ZNF561: variants seen among roughly 807,000 people sequenced by gnomAD.
ZNF561 encodes the protein zinc finger protein 561.
ZNF561 carries 16 observed loss-of-function variants against 16.7 expected under a neutral mutation model. The ratio of observed to expected loss-of-function variants is 0.96; its 90% confidence interval spans 0.65 to 1.45. The LOEUF is 1.45. ZNF561 is among the 40% of genes most tolerant of loss of function. The pLI is 0.00. For synonymous variants in ZNF561, 190 were observed against 192.1 expected, an observed-to-expected ratio of 0.99 and a Z score of 0.09; for missense variants, 580 against 578.0, an observed-to-expected ratio of 1.00 and a Z score of -0.04.
In ZNF561 at chr19:9,610,111, A is replaced by G. The variant is rs1264175068; in HGVS notation, c.*89T>C. On this transcript the variant is annotated 3_prime_UTR_variant, in exon 6 of 6. Transcript: ENST00000302851. ...TCAGGATGGTATCTAAGGCCAATCCATGAGTCATTACAACCTCCAAAAGGC... is the reference window on the plus strand; with the variant it reads ...TCAGGATGGTATCTAAGGCCAATCCGTGAGTCATTACAACCTCCAAAAGGC... The G allele has an allele frequency of 3.3e-6, 4 of 1,197,264 alleles. No homozygotes were observed. In the Admixed American group the frequency reaches 8.0e-5, roughly 24 times the overall value. The allele number at this position is 1,197,264 out of a possible 1,614,324, so 74.2% of individuals were successfully genotyped here.
intron 5 of ZNF561, among the ~76,000 whole-genome samples, chr19:9,612,483 G>A (rs1042785245): frequency 2.0e-5 from 3 of 152,130 alleles, no homozygotes; most frequent in East Asian, 1.9e-4. Context: ...CTCCCAAATT[G>A]CTGGGATTAC....
intron 2 of ZNF561, 170 bp downstream of exon 2, chr19:9,619,258 AAAAT>A (rs551187542): frequency 1.2e-3 from 445 of 384,652 alleles, no homozygotes; most frequent in Middle Eastern, 1.6e-3. Flanking sequence ...TTCTGTCTCA[AAAAT>A]AAATAAATAA....
rs144117005 is a variant in ZNF561, at chr19:9,614,077, G to A, written c.268C>T (p.Arg90Trp). The change falls in exon 5 of 6, where the codon CGG becomes TGG. Residue 90 changes from arginine to tryptophan, a missense_variant. By Grantham distance (101) the Arg-to-Trp change is moderately radical. Coordinates refer to ENST00000302851, the MANE Select transcript of ZNF561 (RefSeq NM_152289.3). ...AAAAAACCCTGCTGAAGTGATGACC[G>A]TTTGGTTCTAGGTTGTATTTCCCAT... ...VEWEIQPRTK[R>W]SSLQQGFLKN... 1.4e-4 allele frequency: 234 copies of A among 1,614,022 alleles called. 2 individuals carry two copies. The highest frequency in any genetic ancestry group is 1.3e-3 in the African/African-American group (97 of 75,006).
intron 2 of ZNF561, chr19:9,619,219 T>C (rs943509923): frequency 3.6e-6 from 1 of 278,294 alleles, no homozygotes; most frequent in East Asian, 6.3e-5. Context: ...ATTGCACCAC[T>C]GCACTCCAGC....
intron 4 of ZNF561, among the ~76,000 whole-genome samples, chr19:9,614,892 G>T (rs28640146): frequency 6.7e-6 from 1 of 150,028 alleles, no homozygotes; most frequent in Non-Finnish European, 1.5e-5. Context: ...ACACTGGAGC[G>T]CAGTGGCACA....
At chr19:9,613,798 T>C (rs769607378) in intron 5 of ZNF561, among the ~76,000 whole-genome samples, 1 of 152,176 alleles carries the variant, frequency 6.6e-6, no homozygotes, top group Non-Finnish European at 1.5e-5. Flanking sequence ...ATTACAGGTG[T>C]GAGTCACCAC....
chr19:9,610,971 A>C lies in ZNF561; in HGVS notation c.690T>G (p.Tyr230Ter). 1 of 1,614,184 alleles carries C rather than the reference A, an allele frequency of 6.2e-7. No homozygotes were observed. Among genetic ancestry groups the C allele is most frequent in the South Asian group, 1.1e-5 (1 of 91,080 alleles). ...GTGAAGAAGCTGTGACAGCTCTCCCATATTCCTGAAATTCACAGAGTTTCT... is the reference window on the plus strand; with the variant it reads ...GTGAAGAAGCTGTGACAGCTCTCCCCTATTCCTGAAATTCACAGAGTTTCT... ...TDEKLCEFQE[Y>*]GRAVTASSHL... The change falls in exon 6 of 6, where the codon TAT becomes TAG. Residue 230 changes from tyrosine (Y) to a stop codon, truncating the protein, a stop_gained. Transcript: ENST00000302851. LOFTEE classifies it low-confidence loss of function (END_TRUNC).
chr19:9,610,083 C>A lies in ZNF561; in HGVS notation c.*117G>T. 1.1e-6 allele frequency: 1 copy of A among 899,802 alleles called. No homozygotes were observed. The highest frequency in any genetic ancestry group is 1.6e-6 in the Non-Finnish European group (1 of 611,866). 55.7% of individuals were successfully genotyped at this position (899,802 alleles called of 1,614,324 possible). On this transcript the variant is annotated 3_prime_UTR_variant, in exon 6 of 6. Transcript: ENST00000302851. ...CAGAACCTGTAGGTTTAATTTCAGA[C>A]CCTCAGGATGGTATCTAAGGCCAAT...
intron 1 of ZNF561, among the ~76,000 whole-genome samples, chr19:9,619,846 T>A (rs1490261628): frequency 1.3e-5 from 2 of 148,282 alleles, no homozygotes; most frequent in South Asian, 2.1e-4. Context: ...CCTCTATCTA[T>A]CTATATCTAT....
At chr19:9,617,749 C>A in intron 3 of ZNF561, 1 of 459,650 alleles carries the variant, frequency 2.2e-6, no homozygotes, top group African/African-American at 2.0e-5. Context: ...CCTCAGCACA[C>A]TGCAGATACC....
At chr19:9,617,718 T>C (rs1462285894) in intron 3 of ZNF561, 2 of 457,530 alleles carry the variant, frequency 4.4e-6, no homozygotes, top group East Asian at 6.9e-5. Flanking sequence ...TCCTGTCCCA[T>C]TGGTGTCTAT....
In ZNF561 at chr19:9,609,667, C is replaced by A. The variant is rs1248049614; in HGVS notation, c.*533G>T. The A allele has an allele frequency of 6.5e-6, 1 of 153,942 alleles. No homozygotes were observed. Among genetic ancestry groups the A allele is most frequent in the Non-Finnish European group, 1.4e-5 (1 of 69,246 alleles). 9.5% of individuals were successfully genotyped at this position (153,942 alleles called of 1,614,324 possible). A position where few individuals can be genotyped will look rare whatever the true frequency, so the allele number is the denominator to read the frequency against. On this transcript the variant is annotated 3_prime_UTR_variant, in exon 6 of 6. Coordinates refer to ENST00000302851, the MANE Select transcript of ZNF561 (RefSeq NM_152289.3). ...AAATAGACATACAAGGCAGAACAGG[C>A]AAGGCTGTCACACTTCTTAGATTTT...
rs535430790 is a variant in ZNF561, at chr19:9,607,558, A to C, written c.*2642T>G. 1.3e-5 allele frequency: 2 copies of C among 152,344 alleles called. No individual in the cohort carries two copies. The highest frequency in any genetic ancestry group is 3.9e-4 in the East Asian group (2 of 5,190). The allele number at this position is 152,344 out of a possible 1,614,324, so 9.4% of individuals were successfully genotyped here. ...AAGAGATTAGCCTCTTCAAAAAATA[A>C]AATAAAAACCTACAGCCAAGCCAAT... On this transcript the variant is annotated 3_prime_UTR_variant, in exon 6 of 6. Transcript: ENST00000302851.
In ZNF561 at chr19:9,610,601, T is replaced by C. The variant is rs1424737062; in HGVS notation, c.1060A>G (p.Ile354Val). The C allele has an allele frequency of 2.5e-6, 4 of 1,613,640 alleles. No homozygotes were observed. Among genetic ancestry groups the C allele is most frequent in the Non-Finnish European group, 2.5e-6 (3 of 1,179,750 alleles). Residue 354 changes from isoleucine (I) to valine (V), a missense_variant, in exon 6 of 6, where the codon ATA (isoleucine) becomes GTA (valine). Physicochemically the swap from Ile to Val is conservative, Grantham distance 29. Coordinates refer to ENST00000302851, the MANE Select transcript of ZNF561 (RefSeq NM_152289.3). ...TTTCCACTGTGACTTCGTATGTGTA[T>C]AGAAAGGCCCGAGTACTGAGCAAAG... ...QAFAQYSGLS[I>V]HIRSHSGKKP...
In ZNF561 at chr19:9,608,794, A is replaced by G. The variant is rs533137410; in HGVS notation, c.*1406T>C. On this transcript the variant is annotated 3_prime_UTR_variant, in exon 6 of 6. Coordinates refer to ENST00000302851, the MANE Select transcript of ZNF561 (RefSeq NM_152289.3). The stretch of plus-strand genomic sequence containing the variant: ...GCGGAAGGTAGAGCTTGAGAGAGAT[A>G]AAACTGGTTATGTATCACTAAGATC... 6.6e-6 allele frequency: 1 copy of G among 152,334 alleles called. No individual in the cohort carries two copies. Among genetic ancestry groups the G allele is most frequent in the East Asian group, 1.9e-4 (1 of 5,186 alleles). 9.4% of individuals were successfully genotyped at this position (152,334 alleles called of 1,614,324 possible). A position where few individuals can be genotyped will look rare whatever the true frequency, so the allele number is the denominator to read the frequency against.
intron 5 of ZNF561, among the ~76,000 whole-genome samples, chr19:9,613,422 T>A (rs1294005150): frequency 6.6e-6 from 1 of 151,820 alleles, no homozygotes; most frequent in African/African-American, 2.4e-5. Flanking sequence ...TTAGTAGAGA[T>A]AAGAGTTTCA....
intron 3 of ZNF561, 185 bp downstream of exon 3, chr19:9,617,906 T>C (rs1315055881): frequency 7.9e-6 from 5 of 630,760 alleles, no homozygotes; most frequent in Admixed American, 2.2e-5. Flanking sequence ...CTGGACTGAT[T>C]TTCAAGTTAA....
chr19:9,619,593 C>G lies in ZNF561; in HGVS notation c.-126-11G>C. On this transcript the variant is annotated splice_polypyrimidine_tract_variant and intron_variant, in intron 1 of 5. Transcript: ENST00000302851. ...GGGTTATTTGCGGTCCTGTTCATAT[C>G]AATCATCAAACAACAAGCATGAAAC... The G allele has an allele frequency of 3.0e-6, 2 of 666,656 alleles. No homozygotes were observed. The highest frequency in any genetic ancestry group is 2.4e-6 in the Non-Finnish European group (1 of 413,230). 41.3% of individuals were successfully genotyped at this position (666,656 alleles called of 1,614,324 possible). A position where few individuals can be genotyped will look rare whatever the true frequency, so the allele number is the denominator to read the frequency against.
rs1400510487 is a variant in ZNF561, at chr19:9,611,144, G to C, written c.517C>G (p.Pro173Ala). ...STGQELSKFN[P>A]CGKVFTLTPG... ...GTTAGAGTAAAGACTTTTCCACATG[G>C]ATTAAATTTGGAAAGTTCCTGTCCA... The change falls in exon 6 of 6, where the codon CCA becomes GCA. Residue 173 changes from proline (P) to alanine (A), a missense_variant. Physicochemically the swap from Pro to Ala is conservative, Grantham distance 27. Coordinates refer to ENST00000302851, the MANE Select transcript of ZNF561 (RefSeq NM_152289.3). 1 of 1,614,008 alleles carries C rather than the reference G, an allele frequency of 6.2e-7. No homozygotes were observed. Among genetic ancestry groups the C allele is most frequent in the Non-Finnish European group, 8.5e-7 (1 of 1,179,892 alleles).
Sources: gnomAD v4.1 joint callset for allele counts (sites outside exome capture counted in the v4.1 genomes callset) on GRCh38, gnomAD v4.1.1 for gene constraint, MANE v1.5 for transcripts, NCBI Gene and HGNC (gene_info 2026-07-23, HGNC 2026-07-21) for gene names.